Variants in TROAP observed in about 807,000 individuals in gnomAD.
The protein encoded by TROAP is trophinin associated protein, also known as tastin.
A neutral mutation model predicts 83.4 loss-of-function variants in TROAP; 62 were observed. The ratio of observed to expected loss-of-function variants is 0.74; its 90% CI spans 0.61 to 0.92. The LOEUF is 0.92. Among genes scored for constraint, TROAP ranks in the 40% least tolerant of loss-of-function variants. The pLI, the probability that TROAP is intolerant of heterozygous loss-of-function variation, is 0.00. For missense variants in TROAP, 876 were observed against 985.1 expected, an observed-to-expected ratio of 0.89 and a Z score of 1.48; for synonymous variants, 352 against 386.4, an observed-to-expected ratio of 0.91 and a Z score of 1.04.
chr12:49,328,636 G>A (rs991679957), intron 8 of TROAP, among the ~76,000 whole-genome samples: 1 of 151,974 alleles, frequency 6.6e-6, no homozygotes, highest in Non-Finnish European at 1.5e-5. Flanking sequence ...AGGCCGAGGC[G>A]GGCAGATCAC....
chr12:49,331,714 A>C lies in TROAP; in HGVS notation c.*97A>C. 6.6e-7 allele frequency: 1 copy of C among 1,514,678 alleles called. No homozygotes were observed. Among genetic ancestry groups the C allele is most frequent in the Non-Finnish European group, 9.1e-7 (1 of 1,096,274 alleles). 93.8% of individuals were successfully genotyped at this position (1,514,678 alleles called of 1,614,324 possible). On this transcript the variant is annotated 3_prime_UTR_variant, in exon 15 of 15. Transcript: ENST00000257909. ...CTGGGAGCCGCCCACTTTTGTCCTC[A>C]ATAAAGTTTCTAAAGTATCCACGTG...
intron 12 of TROAP, 43 bp from the exon 13 acceptor site, chr12:49,330,102 C>T (rs750496323): frequency 4.1e-5 from 66 of 1,606,688 alleles, no homozygotes; most frequent in Middle Eastern, 1.7e-4. Context: ...GACTACTGAA[C>T]GCACATCTTG....
At chr12:49,327,113 A>G (rs888283026) in intron 7 of TROAP, 96 bp from the exon 8 acceptor site, 3 of 1,507,692 alleles carry the variant, frequency 2.0e-6, no homozygotes, top group Non-Finnish European at 2.7e-6. Flanking sequence ...AATGGGGCCT[A>G]TTAAACTAAT....
At position 49,327,194 on chromosome 12, in the gene TROAP, C is replaced by G; in HGVS notation, c.770-15C>G. 1 of 1,613,738 alleles carries G rather than the reference C, an allele frequency of 6.2e-7. No individual in the cohort carries two copies. Among genetic ancestry groups the G allele is most frequent in the Non-Finnish European group, 8.5e-7 (1 of 1,179,784 alleles). On this transcript the variant is annotated splice_polypyrimidine_tract_variant and intron_variant, in intron 7 of 14. Transcript: ENST00000257909. ...GTGTTCTAGAGTCTACAACAAATGT[C>G]CTGTTTCTTCCTAGCTTTCTCTCTT...
chr12:49,323,478 G>C (rs367715672), intron 1 of TROAP, 126 bp from the exon 2 acceptor site: 3 of 1,347,426 alleles, frequency 2.2e-6, no homozygotes, highest in East Asian at 2.3e-5. Flanking sequence ...CGGTCTTGCA[G>C]GCGCCGGGGG....
intron 8 of TROAP, 34 bp from the exon 9 acceptor site, chr12:49,328,893 G>C: frequency 1.3e-6 from 2 of 1,512,514 alleles, no homozygotes; most frequent in Non-Finnish European, 8.9e-7. Context: ...CAAAGGGGGC[G>C]GGGATCACTC....
rs1365284665 is a variant in TROAP, at chr12:49,331,253, A to T, written c.2138A>T (p.Glu713Val). Reference sequence around the variant, plus strand: ...GCCCCTCGAACCCTAGCCCTGAGGGAGCGCCTCAAATCGTGTTTAACCGCC... The same window carrying T: ...GCCCCTCGAACCCTAGCCCTGAGGGTGCGCCTCAAATCGTGTTTAACCGCC... ...NLAPRTLALR[E>V]RLKSCLTAIH... The change falls in exon 14 of 15, where the codon GAG becomes GTG. Residue 713 changes from glutamate (E) to valine (V), a missense_variant. Coordinates refer to ENST00000257909, the MANE Select transcript of TROAP (RefSeq NM_005480.4). 6.2e-7 allele frequency: 1 copy of T among 1,613,960 alleles called. No individual in the cohort carries two copies. Among genetic ancestry groups the T allele is most frequent in the Admixed American group, 1.7e-5 (1 of 60,002 alleles).
At chr12:49,328,676 A>G (rs1374853242) in intron 8 of TROAP, among the ~76,000 whole-genome samples, 1 of 151,986 alleles carries the variant, frequency 6.6e-6, no homozygotes, top group Non-Finnish European at 1.5e-5. Flanking sequence ...CATCCTGGCT[A>G]ACATGGTGAA....
At chr12:49,331,090 AGGGGCT>A in intron 13 of TROAP, 118 bp from the exon 14 acceptor site, 1 of 1,519,448 alleles carries the variant, frequency 6.6e-7, no homozygotes, top group East Asian at 2.3e-5. Context: ...GGAAGAGGGG[AGGGGCT>A]GCACTTCCAG....
At chr12:49,328,102 T>A in intron 8 of TROAP, among the ~76,000 whole-genome samples, 1 of 151,656 alleles carries the variant, frequency 6.6e-6, no homozygotes, top group East Asian at 1.9e-4. Flanking sequence ...GATAACACGA[T>A]CAGATTGGGT....
intron 7 of TROAP, 113 bp downstream of exon 7, chr12:49,326,833 G>A (rs1054915587): frequency 1.5e-5 from 18 of 1,181,874 alleles, no homozygotes; most frequent in Middle Eastern, 2.7e-4. Flanking sequence ...GTGGGAGGCC[G>A]GGAGGCTAGG....
Position 49,330,409 on chromosome 12 carries a change from C to A in TROAP, c.1564C>A (p.Pro522Thr), listed in dbSNP as rs776528400. ...GCCCTGCCCTCCGGCAGAGCCTGGG[C>A]CCCCAGAGGCCTTCTGTAGGAGTGA... ...PQPCPPAEPG[P>T]PEAFCRSEPE... The change falls in exon 13 of 15, where the codon CCC (proline) becomes ACC (threonine). Residue 522 changes from proline (P) to threonine (T), a missense_variant. Pro to Thr is a conservative substitution (Grantham distance 38, BLOSUM62 -1). This residue lies in a region of TROAP where 689 missense variants were observed against 722.6 expected (regional missense o/e 0.95). Coordinates refer to ENST00000257909, the MANE Select transcript of TROAP (RefSeq NM_005480.4). 2 of 1,614,152 alleles carry A rather than the reference C, an allele frequency of 1.2e-6. No homozygotes were observed. Among genetic ancestry groups the A allele is most frequent in the South Asian group, 1.1e-5 (1 of 91,082 alleles).
Position 49,329,856 on chromosome 12 carries a change from G to A in TROAP, c.1165-1G>A. 3 of 1,613,714 alleles carry A rather than the reference G, an allele frequency of 1.9e-6. No homozygotes were observed. The highest frequency in any genetic ancestry group is 1.3e-5 in the African/African-American group (1 of 74,990). On this transcript the variant is annotated splice_acceptor_variant, in intron 11 of 14. Coordinates refer to ENST00000257909, the MANE Select transcript of TROAP (RefSeq NM_005480.4). LOFTEE classifies it high-confidence loss of function. This position sits in a 1 kb window ranked among gnomAD's most constrained non-coding sequence, Gnocchi z 4.5. ...TTGTGTGCCTTGTTCCTTGGTGACA[G>A]GAGCAGGTTGCCGTCCGGTTGTTTG... is the stretch of plus-strand genomic sequence containing the variant.
Position 49,329,131 on chromosome 12 carries a change from C to T in TROAP, c.1021-30C>T, listed in dbSNP as rs1481847818. On this transcript the variant is annotated intron_variant, in intron 9 of 14. Coordinates refer to ENST00000257909, the MANE Select transcript of TROAP (RefSeq NM_005480.4). The surrounding 1 kb of genome is among the most constrained non-coding windows in gnomAD (Gnocchi z 4.5). ...GATCCTTGCTATGTCTGGGTTTTGT[C>T]CCTGCTCAGCCACCCACATCTCTCC... 1.2e-6 allele frequency: 2 copies of T among 1,614,114 alleles called. No homozygotes were observed. The highest frequency in any genetic ancestry group is 8.5e-7 in the Non-Finnish European group (1 of 1,180,006).
At chr12:49,328,886 A>G (rs766498968) in intron 8 of TROAP, 41 bp from the exon 9 acceptor site, 3 of 1,504,178 alleles carry the variant, frequency 2.0e-6, no homozygotes, top group South Asian at 1.4e-5. Flanking sequence ...AGGAAGACAA[A>G]GGGGGCGGGG....
chr12:49,323,688 A>G lies in TROAP; in HGVS notation c.80A>G (p.Gln27Arg), dbSNP rs1943439831. The G allele has an allele frequency of 1.2e-6, 2 of 1,614,186 alleles. No individual in the cohort carries two copies. The highest frequency in any genetic ancestry group is 1.7e-6 in the Non-Finnish European group (2 of 1,180,038). The change falls in exon 2 of 15, where the codon CAG becomes CGG. Residue 27 changes from glutamine (Q) to arginine (R), a missense_variant. Gln to Arg is a conservative substitution (Grantham distance 43). This residue lies in a region of TROAP where 689 missense variants were observed against 722.6 expected (regional missense o/e 0.95). Coordinates refer to ENST00000257909, the MANE Select transcript of TROAP (RefSeq NM_005480.4). ...CCTAGCAAGATTCCGGTACGCTCTCAGAAACGCACGCCTTTCCCCACTGTT... is the reference window on the plus strand; with the variant it reads ...CCTAGCAAGATTCCGGTACGCTCTCGGAAACGCACGCCTTTCCCCACTGTT... ...PTPSKIPVRS[Q>R]KRTPFPTVTS...
intron 6 of TROAP, 59 bp downstream of exon 6, chr12:49,326,217 T>C (rs1407380590): frequency 1.7e-5 from 26 of 1,559,550 alleles, no homozygotes; most frequent in South Asian, 1.3e-4. Flanking sequence ...CAGTGTCTGA[T>C]ACAGGAGTCC....
In TROAP at chr12:49,330,544, C is replaced by G. The variant is rs1288947467; in HGVS notation, c.1699C>G (p.Pro567Ala). ...ESCCRSEPEI[P>A]ESSRQEQLEV... ...CTGCTGTAGGAGTGAGCCTGAGATA[C>G]CGGAGTCCTCTCGCCAGGAACAGCT... The change falls in exon 13 of 15, where the codon CCG (proline) becomes GCG (alanine). Residue 567 changes from proline to alanine, a missense_variant. This residue lies in a region of TROAP where 689 missense variants were observed against 722.6 expected (regional missense o/e 0.95). Coordinates refer to ENST00000257909, the MANE Select transcript of TROAP (RefSeq NM_005480.4). 1 of 1,613,608 alleles carries G rather than the reference C, an allele frequency of 6.2e-7. No homozygotes were observed. Among genetic ancestry groups the G allele is most frequent in the Non-Finnish European group, 8.5e-7 (1 of 1,179,716 alleles).
Position 49,331,363 on chromosome 12 carries a change from T to C in TROAP, c.2248T>C (p.Cys750Arg). Residue 750 changes from cysteine (C) to arginine (R), a missense_variant, in exon 14 of 15, where the codon TGC (cysteine) becomes CGC (arginine). This residue lies in a region of TROAP where 184 missense variants were observed against 238.3 expected (regional missense o/e 0.77). Transcript: ENST00000257909. ...RAPPSGPTRV[C>R]TNPVATLLEW... ...CCCTCCCTCAGGCCCCACCCGGGTC[T>C]GCACCAACCCTGTGGCTACATTACT... 2 of 1,614,198 alleles carry C rather than the reference T, an allele frequency of 1.2e-6. No individual in the cohort carries two copies. The highest frequency in any genetic ancestry group is 2.2e-5 in the East Asian group (1 of 44,884).
Sources: allele counts gnomAD v4.1 joint callset (sites outside exome capture counted in the v4.1 genomes callset), GRCh38; gene constraint gnomAD v4.1.1; regional missense constraint gnomAD v4.1.1; non-coding constraint Gnocchi (gnomAD v3.1); transcripts MANE v1.5; gene names NCBI Gene and HGNC (gene_info 2026-07-23, HGNC 2026-07-21).